Variants in RTTN observed in about 807,000 individuals in gnomAD.
RTTN encodes rotatin.
Under a neutral mutation model 269.2 loss-of-function variants are expected in RTTN, and 182 were observed. The ratio of observed to expected loss-of-function variants is 0.68; its 90% CI spans 0.60 to 0.76. The LOEUF (loss-of-function observed/expected upper bound fraction) is 0.76. RTTN is among the 30% of genes least tolerant of loss of function. The probability of loss-of-function intolerance (pLI) is 0.00; values close to 1 mark genes in which losing one functional copy is unlikely to be tolerated. For synonymous variants in RTTN, 1,006 were observed against 963.5 expected, an observed-to-expected ratio of 1.04 and a Z score of -0.82; for missense variants, 2,545 against 2,608.6, an observed-to-expected ratio of 0.98 and a Z score of 0.53.
At chr18:70,202,994 A>AC (rs2061989824) in intron 3 of RTTN, among the ~76,000 whole-genome samples, 1 of 149,556 alleles carries the variant, frequency 6.7e-6, no homozygotes, top group Non-Finnish European at 1.5e-5. Flanking sequence ...TACTTTTACT[A>AC]CTCAGTCACA....
At chr18:70,147,232 A>C (rs1016363797) in intron 17 of RTTN, among the ~76,000 whole-genome samples, 3 of 152,190 alleles carry the variant, frequency 2.0e-5, no homozygotes, top group Non-Finnish European at 4.4e-5. Flanking sequence ...TACAGTCAAC[A>C]GTAGATCACA....
intron 18 of RTTN, 24 bp downstream of exon 18, chr18:70,145,588 A>G: frequency 6.5e-7 from 1 of 1,547,108 alleles, no homozygotes; most frequent in South Asian, 1.2e-5. Flanking sequence ...ACCACACAGT[A>G]ATAAACTCAA....
intron 11 of RTTN, among the ~76,000 whole-genome samples, chr18:70,176,287 C>T (rs968863850): frequency 5.9e-5 from 9 of 151,642 alleles, no homozygotes; most frequent in African/African-American, 1.9e-4. Context: ...TTGTCTTTTA[C>T]AAAACTAAGT....
chr18:70,047,478 G>A (rs1231213202), intron 40 of RTTN, among the ~76,000 whole-genome samples: 1 of 152,100 alleles, frequency 6.6e-6, no homozygotes, highest in Non-Finnish European at 1.5e-5. Context: ...AGATAAAACA[G>A]GCAACAGGGC....
At chr18:70,123,864 A>C (rs2059798393) in intron 25 of RTTN, among the ~76,000 whole-genome samples, 1 of 152,086 alleles carries the variant, frequency 6.6e-6, no homozygotes, top group Admixed American at 6.6e-5. Context: ...GACACCTAGT[A>C]GGTGATCAAT....
intron 18 of RTTN, among the ~76,000 whole-genome samples, chr18:70,144,991 T>C (rs1279355471): frequency 1.3e-5 from 2 of 152,204 alleles, no homozygotes. Flanking sequence ...ATAGGTACAG[T>C]CCTAGCTAAA....
intron 4 of RTTN, 47 bp from the exon 5 acceptor site, chr18:70,199,551 G>A (rs1350034970): frequency 7.8e-7 from 1 of 1,289,060 alleles, no homozygotes; most frequent in Admixed American, 1.7e-5. Context: ...ATAAAGAGAT[G>A]ACAGATTCAC....
intron 32 of RTTN, among the ~76,000 whole-genome samples, chr18:70,079,408 C>T (rs2058507488): frequency 6.6e-6 from 1 of 152,038 alleles, no homozygotes; most frequent in South Asian, 2.1e-4. Context: ...TATAATGGAG[C>T]CAAGCCCAGG....
In RTTN at chr18:70,054,143, TG is replaced by T. The variant is rs1470036658; in HGVS notation, c.5172del (p.Asp1726MetfsTer3). On this transcript the variant is annotated frameshift_variant, in exon 38 of 49. Coordinates refer to ENST00000640769, the MANE Select transcript of RTTN (RefSeq NM_173630.4). LOFTEE classifies it high-confidence loss of function. ...CAATTAAGCTTACCTAATACATCTT[TG>T]GTACATATGGTGAGAATTCCAATGA... ...TNIIGILTIC[T>X]KDVLDKELIS... The T allele has an allele frequency of 6.2e-7, 1 of 1,612,464 alleles. No homozygotes were observed.
In RTTN at chr18:70,073,921, GGA is replaced by G; in HGVS notation, c.4636_4637del (p.Ser1546HisfsTer14). ...TTGCAAGTACCGTTGTTTCTGAGGT[GGA>G]GAGAGAACTTGGATCTCGATCCTGA... The part of the protein sequence containing the change: ...TSQDRDPSSL[S>X]TSETTVAPSL... On this transcript the variant is annotated frameshift_variant, in exon 34 of 49. Coordinates refer to ENST00000640769, the MANE Select transcript of RTTN (RefSeq NM_173630.4). LOFTEE classifies it high-confidence loss of function. The G allele has an allele frequency of 6.2e-7, 1 of 1,610,632 alleles. No individual in the cohort carries two copies. Among genetic ancestry groups the G allele is most frequent in the South Asian group, 1.1e-5 (1 of 91,008 alleles).
intron 38 of RTTN, chr18:70,053,533 A>G (rs1320428136): frequency 6.6e-6 from 1 of 152,260 alleles, no homozygotes; most frequent in East Asian, 1.9e-4. Flanking sequence ...AAGTAAATCC[A>G]TAGTTCAAAT....
At chr18:70,122,697 A>G (rs1280895647) in intron 25 of RTTN, among the ~76,000 whole-genome samples, 1 of 152,194 alleles carries the variant, frequency 6.6e-6, no homozygotes, top group African/African-American at 2.4e-5. Flanking sequence ...TGTATTTCTT[A>G]GTAATGTGGT....
intron 40 of RTTN, among the ~76,000 whole-genome samples, chr18:70,035,596 T>C (rs910011644): frequency 1.3e-5 from 2 of 151,962 alleles, no homozygotes; most frequent in Admixed American, 6.6e-5. Flanking sequence ...ACCCCAAAAC[T>C]ATTAAAACGC....
chr18:70,017,433 G>A lies in RTTN; in HGVS notation c.6395C>T (p.Ala2132Val), dbSNP rs1342908752. 6.2e-7 allele frequency: 1 copy of A among 1,613,918 alleles called. No homozygotes were observed. The highest frequency in any genetic ancestry group is 1.7e-5 in the Admixed American group (1 of 60,008). Residue 2132 changes from alanine to valine, a missense_variant, in exon 46 of 49, where the codon GCA (alanine) becomes GTA (valine). Transcript: ENST00000640769. ...LIFHNVCFSPANKPKILANEK... is the reference protein window; with the variant it reads ...LIFHNVCFSPVNKPKILANEK... ...ATTAGCCAGGATCTTGGGTTTATTT[G>A]CAGGACTGAAGCAAACATTATGAAA... is the stretch of plus-strand genomic sequence containing the variant.
chr18:70,100,707 G>T (rs1363770508), intron 28 of RTTN, among the ~76,000 whole-genome samples: 1 of 152,182 alleles, frequency 6.6e-6, no homozygotes, highest in African/African-American at 2.4e-5. Flanking sequence ...GATATTGGCT[G>T]TGGGTCTGTC....
chr18:70,132,213 T>A (rs1220902192), intron 23 of RTTN, among the ~76,000 whole-genome samples: 1 of 152,056 alleles, frequency 6.6e-6, no homozygotes, highest in Admixed American at 6.6e-5. Flanking sequence ...GATTTTAACA[T>A]GCCTCTCTGC....
chr18:70,006,499 A>G lies in RTTN; in HGVS notation c.6422-15T>C, dbSNP rs1241429862. ...AATGACTTTTTCTAAAAATGAACAT[A>G]TATTTTTTAAAAGTTCAGTCCCAGA... On this transcript the variant is annotated splice_polypyrimidine_tract_variant and intron_variant, in intron 46 of 48. Coordinates refer to ENST00000640769, the MANE Select transcript of RTTN (RefSeq NM_173630.4). The G allele has an allele frequency of 1.3e-6, 2 of 1,596,746 alleles. No homozygotes were observed. The highest frequency in any genetic ancestry group is 1.7e-6 in the Non-Finnish European group (2 of 1,164,306).
intron 17 of RTTN, among the ~76,000 whole-genome samples, chr18:70,146,636 G>A (rs568966791): frequency 1.6e-4 from 25 of 152,268 alleles, no homozygotes; most frequent in African/African-American, 5.3e-4. Flanking sequence ...CTGCCACCTT[G>A]AGCCCCTGTA....
At chr18:70,108,199 C>T (rs1375280966) in intron 28 of RTTN, among the ~76,000 whole-genome samples, 8 of 152,000 alleles carry the variant, frequency 5.3e-5, no homozygotes, top group Non-Finnish European at 5.9e-5. Flanking sequence ...ATCACTTGAA[C>T]CCGGGAGGCA....
Sources: allele counts gnomAD v4.1 joint callset (sites outside exome capture counted in the v4.1 genomes callset), GRCh38; gene constraint gnomAD v4.1.1; transcripts MANE v1.5; gene names NCBI Gene and HGNC (gene_info 2026-07-23, HGNC 2026-07-21).